The following DOCK2 variants were observed in gnomAD, a reference collection of about 807,000 sequenced individuals.
The protein encoded by DOCK2 is dedicator of cytokinesis 2.
A neutral mutation model predicts 248.9 loss-of-function variants in DOCK2; 87 were observed. That is an observed-to-expected ratio of 0.35 (90% CI 0.29 to 0.42). The LOEUF (loss-of-function observed/expected upper bound fraction) is 0.42, where lower values mean the gene tolerates loss of function less well. DOCK2 is among the 10% of genes least tolerant of loss of function. The probability of loss-of-function intolerance (pLI) is 1.00; values close to 1 mark genes in which losing one functional copy is unlikely to be tolerated. For synonymous variants in DOCK2, 805 were observed against 821.6 expected, an observed-to-expected ratio of 0.98 and a Z score of 0.35; for missense variants, 1,747 against 2,300.2, an observed-to-expected ratio of 0.76 and a Z score of 4.92.
intron 25 of DOCK2, among the ~76,000 whole-genome samples, chr5:169,788,785 A>C (rs953332004): frequency 6.6e-6 from 1 of 152,192 alleles, no homozygotes. Context: ...TAGGAGTACA[A>C]TTGTAGATTC....
In DOCK2 at chr5:169,761,313, A is replaced by G. The variant is rs1581153037; in HGVS notation, c.2448-206A>G. On this transcript the variant is annotated intron_variant, in intron 24 of 51. Coordinates refer to ENST00000520908, the MANE Select transcript of DOCK2 (RefSeq NM_004946.3). ...ACTGCTCAGGGCTATGGGTATTTTC[A>G]GATTTTTACGTCTCTTTTAATGCTA... The G allele has an allele frequency of 5.7e-6, 3 of 529,214 alleles. No individual in the cohort carries two copies. In the East Asian group the frequency reaches 9.3e-5, roughly 16 times the overall value. 32.8% of individuals were successfully genotyped at this position (529,214 alleles called of 1,614,324 possible).
intron 27 of DOCK2, among the ~76,000 whole-genome samples, chr5:169,871,448 C>T (rs540596473): frequency 1.4e-4 from 22 of 152,188 alleles, no homozygotes; most frequent in Non-Finnish European, 2.9e-4. Flanking sequence ...AGACACTATG[C>T]TACAAGTTTA....
At chr5:170,079,976 G>T in intron 49 of DOCK2, 187 bp from the exon 50 acceptor site, 11 of 907,996 alleles carry the variant, frequency 1.2e-5, no homozygotes, top group South Asian at 1.9e-5. Flanking sequence ...GTTGTGTAGT[G>T]TGCAACCTGT....
chr5:169,740,983 G>A (rs1763275405), intron 22 of DOCK2, among the ~76,000 whole-genome samples: 1 of 152,066 alleles, frequency 6.6e-6, no homozygotes, highest in African/African-American at 2.4e-5. Flanking sequence ...CCACAGGCAT[G>A]CACCACCACA....
chr5:170,012,126 G>A (rs1266508471), intron 32 of DOCK2, among the ~76,000 whole-genome samples: 1 of 152,180 alleles, frequency 6.6e-6, no homozygotes, highest in Non-Finnish European at 1.5e-5. Context: ...GGCTAAAAGA[G>A]CCTGTCCTGT....
intron 26 of DOCK2, among the ~76,000 whole-genome samples, chr5:169,831,934 G>T (rs1769253544): frequency 6.6e-6 from 1 of 152,182 alleles, no homozygotes; most frequent in Admixed American, 6.5e-5. Flanking sequence ...AGAGACTTTT[G>T]CAGAGAGTTT....
At position 169,792,445 on chromosome 5, in the gene DOCK2, T is replaced by TTA. The variant is rs991215076; in HGVS notation, c.2555-10607_2555-10606dup. On this transcript the variant is annotated intron_variant, in intron 25 of 51. Transcript: ENST00000520908. Reference sequence around the variant, plus strand: ...ATACATGTATATGTGTACATATATTTTATATATGTGTGTGTGTGTGTGTGT... The same window carrying TTA: ...ATACATGTATATGTGTACATATATTTTATATATATGTGTGTGTGTGTGTGTGT... Among the ~76,000 whole-genome samples, 53 of 114,474 alleles carry TTA rather than the reference T, an allele frequency of 4.6e-4. No homozygotes were observed. The East Asian group carries it at 0.012, about 26-fold the overall frequency. 75.1% of individuals were successfully genotyped at this position (114,474 alleles called of 152,430 possible).
At chr5:169,639,294 T>C (rs1189308575) in intron 1 of DOCK2, among the ~76,000 whole-genome samples, 1 of 152,200 alleles carries the variant, frequency 6.6e-6, no homozygotes, top group Non-Finnish European at 1.5e-5. Context: ...CCACTCTGCC[T>C]GAGGCTCTTG....
intron 29 of DOCK2, among the ~76,000 whole-genome samples, chr5:169,995,029 AT>A (rs11321220): frequency 0.61 from 85,265 of 139,752 alleles, 25,661 homozygotes; most frequent in East Asian, 0.66. Flanking sequence ...GTTATTTTTT[AT>A]TTTTTTTTTT....
chr5:170,031,974 A>G (rs1042781534), intron 34 of DOCK2, among the ~76,000 whole-genome samples: 1 of 151,968 alleles, frequency 6.6e-6, no homozygotes, highest in African/African-American at 2.4e-5. Flanking sequence ...ACAATGCCCC[A>G]GTGATCCCCA....
At chr5:169,637,393 G>T in intron 1 of DOCK2, 24 bp downstream of exon 1, 1 of 1,373,384 alleles carries the variant, frequency 7.3e-7, no homozygotes, top group Non-Finnish European at 9.4e-7. Flanking sequence ...CCAGGGCGCG[G>T]CAGGGAGCGG....
intron 32 of DOCK2, among the ~76,000 whole-genome samples, chr5:170,015,399 C>G (rs553991073): frequency 6.6e-6 from 1 of 152,088 alleles, no homozygotes; most frequent in Non-Finnish European, 1.5e-5. Flanking sequence ...GAAGACTCTA[C>G]GGGGCCTGGA....
chr5:169,699,442 G>C lies in DOCK2; in HGVS notation c.1116G>C (p.Gly372=). The change falls in exon 12 of 52, where the codon GGG becomes GGC. Residue 372 remains glycine (G), a synonymous_variant. Transcript: ENST00000520908. ...TGGGCAAAGTCATAGCCTCCAAGGG[G>C]GACAGTGGAGGGCAAGGTAAAGTGC... ...SLLGKVIASK[G]DSGGQGLWVT... The C allele has an allele frequency of 1.2e-6, 2 of 1,612,778 alleles. No homozygotes were observed. Among genetic ancestry groups the C allele is most frequent in the Non-Finnish European group, 1.7e-6 (2 of 1,179,208 alleles).
chr5:169,768,420 G>T (rs1017340669), intron 25 of DOCK2, among the ~76,000 whole-genome samples: 2 of 152,334 alleles, frequency 1.3e-5, no homozygotes, highest in South Asian at 4.1e-4. Flanking sequence ...AAATAGTGGT[G>T]TATTGACTTG....
chr5:169,938,475 G>T (rs1194801447), intron 27 of DOCK2, among the ~76,000 whole-genome samples: 2 of 152,152 alleles, frequency 1.3e-5, no homozygotes, highest in Non-Finnish European at 2.9e-5. Flanking sequence ...CCCGAATACT[G>T]TAGGCAATTA....
intron 27 of DOCK2, among the ~76,000 whole-genome samples, chr5:169,968,533 A>G (rs1271710496): frequency 1.3e-5 from 2 of 152,196 alleles, no homozygotes; most frequent in East Asian, 3.8e-4. Flanking sequence ...AGGGGGCCCA[A>G]GTGTTCTTCG....
intron 27 of DOCK2, among the ~76,000 whole-genome samples, chr5:169,921,746 G>T (rs1294541619): frequency 6.6e-6 from 1 of 152,224 alleles, no homozygotes; most frequent in Non-Finnish European, 1.5e-5. Flanking sequence ...GCTTTCTTGA[G>T]GATTAGGGCC....
chr5:169,916,995 C>T (rs141733044), intron 27 of DOCK2, among the ~76,000 whole-genome samples: 54 of 152,276 alleles, frequency 3.5e-4, no homozygotes, highest in African/African-American at 1.3e-3. Context: ...TGAATTCGTT[C>T]ATTGCAAATA....
intron 37 of DOCK2, 70 bp downstream of exon 37, chr5:170,041,215 G>GA: frequency 7.4e-7 from 1 of 1,353,816 alleles, no homozygotes; most frequent in Non-Finnish European, 1.0e-6. Context: ...GTTGAAGAGT[G>GA]AAAAAAGAAA....
Sources: gnomAD v4.1 joint callset for allele counts (sites outside exome capture counted in the v4.1 genomes callset) on GRCh38, gnomAD v4.1.1 for gene constraint, MANE v1.5 for transcripts, NCBI Gene and HGNC (gene_info 2026-07-23, HGNC 2026-07-21) for gene names.